The following FSD1 variants were observed in gnomAD, a reference collection of about 807,000 sequenced individuals.
FSD1 encodes the protein fibronectin type III and SPRY domain-containing protein 1.
A neutral mutation model predicts 58.2 loss-of-function variants in FSD1; 23 were observed. That is an observed-to-expected ratio of 0.40 (90% CI 0.28 to 0.56). The LOEUF (loss-of-function observed/expected upper bound fraction) is 0.56, where lower values mean the gene tolerates loss of function less well. Among genes scored for constraint, FSD1 ranks in the 20% least tolerant of loss-of-function variants. The pLI, the probability that FSD1 is intolerant of heterozygous loss-of-function variation, is 0.54. For missense variants in FSD1, 563 were observed against 670.8 expected (o/e 0.84, Z 1.78); for synonymous variants, 265 against 263.4 (o/e 1.01, Z -0.06).
chr19:4,318,930 G>A lies in FSD1; in HGVS notation c.1018G>A (p.Ala340Thr), dbSNP rs748015968. 1.6e-5 allele frequency: 26 copies of A among 1,613,240 alleles called. No homozygotes were observed. Among genetic ancestry groups the A allele is most frequent in the African/African-American group, 9.4e-5 (7 of 74,836 alleles). The change falls in exon 10 of 13, where the codon GCT (alanine) becomes ACT (threonine). Residue 340 changes from alanine to threonine, a missense_variant. Ala to Thr is a moderately conservative substitution (Grantham distance 58, BLOSUM62 0). Coordinates refer to ENST00000221856, the MANE Select transcript of FSD1 (RefSeq NM_024333.3). ...SGRGGRDRFT[A>T]ESYTVLGDTL... is the part of the protein sequence containing the mutation. ...TCGTGGGGGACGGGACCGCTTCACCGCTGAGTCCTACACAGTTCTGGGTAA... is the reference window on the plus strand; with the variant it reads ...TCGTGGGGGACGGGACCGCTTCACCACTGAGTCCTACACAGTTCTGGGTAA...
In FSD1 at chr19:4,315,922, C is replaced by G. The variant is rs148851743; in HGVS notation, c.701-1260C>G. ...GGGATTATAGGTGTGAGCCACCGCG[C>G]CTAGCCAGTTTTTTGTATTTTTTAG... On this transcript the variant is annotated intron_variant, in intron 7 of 12. Coordinates refer to ENST00000221856, the MANE Select transcript of FSD1 (RefSeq NM_024333.3). 4.3e-4 allele frequency among the ~76,000 whole-genome samples: 65 copies of G among 151,968 alleles called. No individual in the cohort carries two copies. The East Asian group carries it at 0.012, about 28-fold the overall frequency.
rs774407612 is a variant in FSD1, at chr19:4,305,957, G to A, written c.27G>A (p.Arg9=). MEEQREAL[R]KIIKTLAVKN... ...TTCTGGTGGTGCAGGAGGCCCTGAGGAAGATCATCAAAACACTGGCTGTGA... is the reference window on the plus strand; with the variant it reads ...TTCTGGTGGTGCAGGAGGCCCTGAGAAAGATCATCAAAACACTGGCTGTGA... The change falls in exon 2 of 13, where the codon AGG becomes AGA. Residue 9 remains arginine (R), a synonymous_variant. Coordinates refer to ENST00000221856, the MANE Select transcript of FSD1 (RefSeq NM_024333.3). 1 of 1,613,794 alleles carries A rather than the reference G, an allele frequency of 6.2e-7. No individual in the cohort carries two copies. The highest frequency in any genetic ancestry group is 1.3e-5 in the African/African-American group (1 of 74,898).
Position 4,306,236 on chromosome 19 carries a change from G to A in FSD1, c.150G>A (p.Glu50=). 6.2e-7 allele frequency: 1 copy of A among 1,614,090 alleles called. No individual in the cohort carries two copies. The highest frequency in any genetic ancestry group is 8.5e-7 in the Non-Finnish European group (1 of 1,179,992). The change falls in exon 3 of 13, where the codon GAG becomes GAA. Residue 50 remains glutamate (E), a synonymous_variant. Coordinates refer to ENST00000221856, the MANE Select transcript of FSD1 (RefSeq NM_024333.3). ...SAKVQEDLEA[E]FQSLFSLLEE... ...AGGTGCAGGAGGACCTCGAAGCAGA[G>A]TTCCAGTCCCTCTTCTCCCTCCTGG...
Position 4,318,246 on chromosome 19 carries a change from CCTGTCTTGGT to C in FSD1, c.800-88_800-79del, listed in dbSNP as rs1331692122. On this transcript the variant is annotated intron_variant, in intron 8 of 12. Transcript: ENST00000221856. ...CTCCTTGGCTCTTTGATTCTCTGTC[CCTGTCTTGGT>C]CTGTCTTGGTCACTCTCTGTCTCTC... is the stretch of plus-strand genomic sequence containing the variant. The C allele has an allele frequency of 2.0e-6, 3 of 1,485,966 alleles. No individual in the cohort carries two copies. The African/African-American group carries it at 4.2e-5, about 21-fold the overall frequency. 92.0% of individuals were successfully genotyped at this position (1,485,966 alleles called of 1,614,324 possible).
chr19:4,313,445 C>T lies in FSD1; in HGVS notation c.700+1394C>T, dbSNP rs542389980. ...AAGGGGGAAAGCCTCCTGGGCCGGGCGTGGTGGCTCACACCTGTACTCCCA... is the reference window on the plus strand; with the variant it reads ...AAGGGGGAAAGCCTCCTGGGCCGGGTGTGGTGGCTCACACCTGTACTCCCA... On this transcript the variant is annotated intron_variant, in intron 7 of 12. Transcript: ENST00000221856. 4.4e-5 allele frequency among the ~76,000 whole-genome samples: 6 copies of T among 137,412 alleles called. No individual in the cohort carries two copies. The South Asian group carries it at 1.2e-3, about 27-fold the overall frequency. The allele number at this position is 137,412 out of a possible 152,430, so 90.1% of individuals were successfully genotyped here.
At chr19:4,309,466 T>C (rs561896193) in intron 4 of FSD1, among the ~76,000 whole-genome samples, 6 of 152,134 alleles carry the variant, frequency 3.9e-5, no homozygotes, top group Non-Finnish European at 8.8e-5. Flanking sequence ...GGGCTGGGTG[T>C]GGGCAGGAGG....
chr19:4,310,744 G>GT, intron 6 of FSD1, 148 bp downstream of exon 6: 1 of 886,102 alleles, frequency 1.1e-6, no homozygotes, highest in East Asian at 2.7e-5. Context: ...TCCACGCCCT[G>GT]TGGGGGGTGG....
Position 4,310,274 on chromosome 19 carries a change from C to A in FSD1, c.347C>A (p.Ala116Asp), listed in dbSNP as rs957032809. Residue 116 changes from alanine (A) to aspartate (D), a missense_variant and splice_region_variant, in exon 5 of 13, where the codon GCT becomes GAT. Coordinates refer to ENST00000221856, the MANE Select transcript of FSD1 (RefSeq NM_024333.3). ...QAMDSEDFPQAAKQIKDGVTM... is the reference protein window; with the variant it reads ...QAMDSEDFPQDAKQIKDGVTM... ...ATGTTGTTCTGTTCCTCTCTCTAGG[C>A]TGCCAAGCAAATCAAAGATGGGTAA... 1.2e-6 allele frequency: 2 copies of A among 1,614,040 alleles called. No homozygotes were observed. The highest frequency in any genetic ancestry group is 1.7e-5 in the Admixed American group (1 of 60,004).
intron 4 of FSD1, among the ~76,000 whole-genome samples, chr19:4,309,280 A>G (rs1971661706): frequency 6.6e-6 from 1 of 152,138 alleles, no homozygotes; most frequent in African/African-American, 2.4e-5. Flanking sequence ...TTCATTGTTG[A>G]TCTGAAATGC....
chr19:4,315,645 C>T (rs1293046394), intron 7 of FSD1, among the ~76,000 whole-genome samples: 2 of 118,594 alleles, frequency 1.7e-5, no homozygotes, highest in South Asian at 6.1e-4. Flanking sequence ...CAGTCTCGCT[C>T]TGTCACCCAG....
chr19:4,312,836 A>AAATAAAT (rs1555730879), intron 7 of FSD1, among the ~76,000 whole-genome samples: 1 of 143,088 alleles, frequency 7.0e-6, no homozygotes, highest in African/African-American at 2.9e-5. Context: ...ATAAATAAAT[A>AAATAAAT]AATAATAATA....
At chr19:4,314,943 T>G (rs1302619248) in intron 7 of FSD1, among the ~76,000 whole-genome samples, 1 of 152,234 alleles carries the variant, frequency 6.6e-6, no homozygotes, top group East Asian at 1.9e-4. Flanking sequence ...CTTCCTGCCT[T>G]TGACAGACTT....
At chr19:4,319,826 C>T (rs1008828601) in intron 10 of FSD1, among the ~76,000 whole-genome samples, 1 of 151,964 alleles carries the variant, frequency 6.6e-6, no homozygotes, top group Non-Finnish European at 1.5e-5. Flanking sequence ...CTGGAGAAGA[C>T]GTGTATAGAG....
In FSD1 at chr19:4,310,895, G is replaced by T. The variant is rs1971682488; in HGVS notation, c.490+299G>T. ...GTGGGGTTGGTTGAGTCCTCATGAG[G>T]CCCCGCCCTGGGGTGGAGCCATGAG... On this transcript the variant is annotated intron_variant, in intron 6 of 12. Transcript: ENST00000221856. 1.4e-5 allele frequency: 4 copies of T among 275,890 alleles called. No homozygotes were observed. In the South Asian group the frequency reaches 2.0e-4, roughly 14 times the overall value. 17.1% of individuals were successfully genotyped at this position (275,890 alleles called of 1,614,324 possible).
chr19:4,317,686 G>C (rs1971769528), intron 8 of FSD1, among the ~76,000 whole-genome samples: 1 of 152,104 alleles, frequency 6.6e-6, no homozygotes, highest in African/African-American at 2.4e-5. Flanking sequence ...TTTGGGATTA[G>C]TCCTCCATGG....
chr19:4,317,049 G>T (rs1160641352), intron 7 of FSD1, 133 bp from the exon 8 acceptor site: 1 of 630,950 alleles, frequency 1.6e-6, no homozygotes, highest in African/African-American at 1.8e-5. Flanking sequence ...CAGTGCGCCC[G>T]GCTGGATAAG....
intron 6 of FSD1, 29 bp from the exon 7 acceptor site, chr19:4,311,813 C>T (rs763738271): frequency 3.7e-6 from 6 of 1,609,104 alleles, no homozygotes; most frequent in African/African-American, 2.7e-5. Flanking sequence ...CACAGAATCC[C>T]GACCCCCTCT....
intron 10 of FSD1, among the ~76,000 whole-genome samples, chr19:4,322,514 C>T (rs903227911): frequency 6.7e-6 from 1 of 148,582 alleles, no homozygotes; most frequent in East Asian, 2.0e-4. Flanking sequence ...TAGCAGGAAC[C>T]GAGGAGTATC....
intron 10 of FSD1, among the ~76,000 whole-genome samples, chr19:4,320,814 A>G (rs1204391155): frequency 7.9e-5 from 11 of 139,222 alleles, no homozygotes; most frequent in South Asian, 2.4e-4. Flanking sequence ...GCTGGGACTG[A>G]GGAGTATCTG....
Sources: allele counts gnomAD v4.1 joint callset (sites outside exome capture counted in the v4.1 genomes callset), GRCh38; gene constraint gnomAD v4.1.1; transcripts MANE v1.5; gene names NCBI Gene and HGNC (gene_info 2026-07-23, HGNC 2026-07-21).